The following DAB1 variants were observed in gnomAD, a reference collection of about 807,000 sequenced individuals.
DAB1 encodes the protein disabled homolog 1.
Under a neutral mutation model 64.6 loss-of-function variants are expected in DAB1, and 15 were observed. That is an observed-to-expected ratio of 0.23 (90% confidence interval 0.16 to 0.36). The LOEUF is 0.36. DAB1 is among the 10% of genes least tolerant of loss of function. The probability of loss-of-function intolerance (pLI) is 1.00; values close to 1 mark genes in which losing one functional copy is unlikely to be tolerated. For missense variants in DAB1, 596 were observed against 706.7 expected, an observed-to-expected ratio of 0.84 and a Z score of 1.78; for synonymous variants, 235 against 251.9, an observed-to-expected ratio of 0.93 and a Z score of 0.64.
chr1:57,980,912 T>TAC (rs145692183), intron 5 of DAB1, among the ~76,000 whole-genome samples: 2,981 of 149,690 alleles, frequency 0.02, 36 homozygotes, highest in African/African-American at 0.031. Flanking sequence ...TATATATATA[T>TAC]ACACACACAC....
intron 8 of DAB1, among the ~76,000 whole-genome samples, chr1:57,063,884 G>A (rs998168995): frequency 2.6e-5 from 4 of 152,078 alleles, no homozygotes; most frequent in Non-Finnish European, 5.9e-5. Flanking sequence ...GCACCCATTA[G>A]TTGTTCCTTT....
At chr1:58,142,524 T>C (rs1654346334) in intron 5 of DAB1, among the ~76,000 whole-genome samples, 1 of 151,684 alleles carries the variant, frequency 6.6e-6, no homozygotes, top group Non-Finnish European at 1.5e-5. Flanking sequence ...GTCTCATTCC[T>C]GGCCCCCATA....
intron 7 of DAB1, among the ~76,000 whole-genome samples, chr1:57,632,562 A>T (rs1274294449): frequency 6.6e-6 from 1 of 152,168 alleles, no homozygotes; most frequent in East Asian, 1.9e-4. Context: ...CACTGAAGAA[A>T]TTCAGCACCA....
chr1:57,425,973 G>A (rs1158814297), upstream of DAB1, among the ~76,000 whole-genome samples: 4 of 152,194 alleles, frequency 2.6e-5, no homozygotes, highest in East Asian at 5.8e-4. Context: ...ACTCAATACT[G>A]AGGAAAGAGG....
At chr1:57,969,782 C>G (rs531723428) in intron 5 of DAB1, among the ~76,000 whole-genome samples, 1 of 152,214 alleles carries the variant, frequency 6.6e-6, no homozygotes, top group South Asian at 2.1e-4. Context: ...TAGTTATTAA[C>G]TTTCTGCTTG....
chr1:57,916,676 G>A (rs199956058), intron 5 of DAB1, among the ~76,000 whole-genome samples: 4 of 152,198 alleles, frequency 2.6e-5, no homozygotes, highest in Admixed American at 6.5e-5. Flanking sequence ...GGTGGCTCAC[G>A]CCTGTAATCC....
chr1:58,432,124 C>T (rs1006935443), intron 3 of DAB1, among the ~76,000 whole-genome samples: 9 of 152,186 alleles, frequency 5.9e-5, no homozygotes, highest in African/African-American at 2.2e-4. Context: ...CCGGCTCCTC[C>T]TATCTCAGGG....
At chr1:58,285,770 C>T (rs945940530) in intron 4 of DAB1, among the ~76,000 whole-genome samples, 2 of 152,138 alleles carry the variant, frequency 1.3e-5, no homozygotes, top group African/African-American at 2.4e-5. Flanking sequence ...AATGCTATTC[C>T]TATTACACTA....
intron 4 of DAB1, among the ~76,000 whole-genome samples, chr1:58,213,038 G>A (rs1205957216): frequency 2.0e-5 from 3 of 152,122 alleles, no homozygotes; most frequent in South Asian, 2.1e-4. Flanking sequence ...CAAAATAGAC[G>A]TAACACTGCA....
chr1:57,145,571 A>T (rs1659043927), intron 2 of DAB1, 142 bp from the exon 3 acceptor site: 1 of 765,398 alleles, frequency 1.3e-6, no homozygotes, highest in Non-Finnish European at 2.1e-6. Context: ...AAAGAATAGC[A>T]GTATTCCTAA....
intron 5 of DAB1, among the ~76,000 whole-genome samples, chr1:58,057,129 A>G (rs1432712288): frequency 1.3e-5 from 2 of 152,250 alleles, no homozygotes; most frequent in Admixed American, 6.5e-5. Flanking sequence ...CCCTCTTTCA[A>G]AGGGATTGTG....
intron 9 of DAB1, among the ~76,000 whole-genome samples, chr1:57,037,147 C>T (rs755128262): frequency 4.6e-5 from 7 of 152,294 alleles, no homozygotes; most frequent in Non-Finnish European, 1.0e-4. Flanking sequence ...AAGCTCCCCA[C>T]GCTATGCTAA....
intron 7 of DAB1, among the ~76,000 whole-genome samples, chr1:57,624,229 A>T (rs566819296): frequency 1.7e-4 from 26 of 152,232 alleles, no homozygotes; most frequent in Non-Finnish European, 2.9e-4. Flanking sequence ...TGAATCAATC[A>T]GTCTTTAACA....
chr1:58,266,766 T>C (rs1001720791), intron 4 of DAB1, among the ~76,000 whole-genome samples: 1 of 152,166 alleles, frequency 6.6e-6, no homozygotes, highest in South Asian at 2.1e-4. Flanking sequence ...ATATGAATGA[T>C]GACAAAAAAC....
intron 3 of DAB1, among the ~76,000 whole-genome samples, chr1:58,489,357 T>G (rs1374811666): frequency 1.3e-5 from 2 of 152,144 alleles, no homozygotes; most frequent in Admixed American, 1.3e-4. Context: ...AGCACAGCAG[T>G]CTGAGATCAA....
intron 1 of DAB1, among the ~76,000 whole-genome samples, chr1:57,293,914 C>T (rs576164255): frequency 6.6e-6 from 1 of 152,238 alleles, no homozygotes; most frequent in Non-Finnish European, 1.5e-5. Flanking sequence ...GTGTTACAAG[C>T]ATTACTTGTG....
Position 57,161,884 on chromosome 1 carries a change from T to C in DAB1, c.68-16455A>G, listed in dbSNP as rs140879308. 3.6e-3 allele frequency among the ~76,000 whole-genome samples: 550 copies of C among 152,112 alleles called. 4 individuals carry two copies. Among genetic ancestry groups the C allele is most frequent in the African/African-American group, 0.013 (523 of 41,500 alleles). ...AAAAAAAGTTCATACTATAAATCTG[T>C]GTCTTGCTTTTTTCATCTGGCAGCG... is the stretch of plus-strand genomic sequence containing the variant. On this transcript the variant is annotated intron_variant, in intron 2 of 14. Coordinates refer to ENST00000371236, the MANE Select transcript of DAB1 (RefSeq NM_001365792.1).
chr1:57,231,792 G>A (rs943899342), intron 2 of DAB1, among the ~76,000 whole-genome samples: 15 of 152,182 alleles, frequency 9.9e-5, no homozygotes, highest in Non-Finnish European at 1.9e-4. Context: ...ATGTGCAGAA[G>A]GAAGTATATT....
intron 5 of DAB1, among the ~76,000 whole-genome samples, chr1:58,019,976 T>C (rs1186687192): frequency 6.6e-6 from 1 of 152,214 alleles, no homozygotes; most frequent in East Asian, 1.9e-4. Flanking sequence ...CTTTATTTCT[T>C]TATAATGTTT....
Sources: allele counts gnomAD v4.1 joint callset (sites outside exome capture counted in the v4.1 genomes callset), GRCh38; gene constraint gnomAD v4.1.1; transcripts MANE v1.5; gene names NCBI Gene and HGNC (gene_info 2026-07-23, HGNC 2026-07-21).